FARS2: variants seen among roughly 807,000 people sequenced by gnomAD.
The protein encoded by FARS2 is phenylalanyl-tRNA synthetase 2, mitochondrial.
In FARS2, 40 loss-of-function variants were observed where a neutral mutation model predicts 46.4. That is an observed-to-expected ratio of 0.86 (90% CI 0.67 to 1.12). The LOEUF (loss-of-function observed/expected upper bound fraction) is 1.12. Among genes scored for constraint, FARS2 ranks in the 50% most tolerant of loss-of-function variants. The pLI, the probability that FARS2 is intolerant of heterozygous loss-of-function variation, is 0.00. For synonymous variants in FARS2, 234 were observed against 214.9 expected (o/e 1.09, Z -0.78); for missense variants, 513 against 567.9 (o/e 0.90, Z 0.98).
chr6:5,417,612 T>A (rs1762314998), intron 3 of FARS2, among the ~76,000 whole-genome samples: 4 of 152,230 alleles, frequency 2.6e-5, no homozygotes, highest in African/African-American at 4.8e-5. Flanking sequence ...ACTTTGCTTT[T>A]GTCTTTGTTT....
intron 4 of FARS2, among the ~76,000 whole-genome samples, chr6:5,493,358 A>G (rs952372094): frequency 6.6e-6 from 1 of 152,162 alleles, no homozygotes; most frequent in African/African-American, 2.4e-5. Context: ...GAAGGTAGGG[A>G]TCACATGTCT....
At chr6:5,424,843 C>T (rs773210868) in intron 3 of FARS2, among the ~76,000 whole-genome samples, 1 of 152,168 alleles carries the variant, frequency 6.6e-6, no homozygotes, top group Non-Finnish European at 1.5e-5. Flanking sequence ...AAAATGGGCT[C>T]TATCAAAAGG....
At chr6:5,523,989 A>G (rs1345062693) in intron 4 of FARS2, among the ~76,000 whole-genome samples, 1 of 151,026 alleles carries the variant, frequency 6.6e-6, no homozygotes, top group Non-Finnish European at 1.5e-5. Flanking sequence ...CAAGAACATG[A>G]TGAATTCTTA....
intron 3 of FARS2, among the ~76,000 whole-genome samples, chr6:5,426,899 T>A: frequency 6.6e-6 from 1 of 152,234 alleles, no homozygotes; most frequent in East Asian, 1.9e-4. Context: ...GTACTGGGAT[T>A]ACAGGCATGA....
At chr6:5,576,070 T>G (rs2150569439) in intron 5 of FARS2, among the ~76,000 whole-genome samples, 1 of 152,318 alleles carries the variant, frequency 6.6e-6, no homozygotes, top group South Asian at 2.1e-4. Flanking sequence ...TATGGAGTGG[T>G]ACTTTAAAAC....
the FARS2 span, among the ~76,000 whole-genome samples, chr6:5,254,984 T>C: frequency 1.3e-5 from 2 of 152,168 alleles, no homozygotes; most frequent in African/African-American, 4.8e-5. Flanking sequence ...CCATAACCAC[T>C]TGACTAACAA....
intron 3 of FARS2, among the ~76,000 whole-genome samples, chr6:5,405,683 A>G (rs1002105494): frequency 2.1e-4 from 32 of 151,886 alleles, no homozygotes; most frequent in South Asian, 1.0e-3. Flanking sequence ...TAGTAGAGAC[A>G]GGGTTTCACC....
chr6:5,593,624 A>G (rs1246588758), intron 5 of FARS2, among the ~76,000 whole-genome samples: 1 of 152,224 alleles, frequency 6.6e-6, no homozygotes, highest in African/African-American at 2.4e-5. Context: ...GGCTGTCTCC[A>G]TATTACCTGT....
chr6:5,434,659 T>C (rs1036237301), intron 4 of FARS2, among the ~76,000 whole-genome samples: 5 of 152,178 alleles, frequency 3.3e-5, no homozygotes, highest in African/African-American at 9.7e-5. Context: ...TGAGTTCTTA[T>C]GGCGTGGAGA....
chr6:5,388,780 A>G (rs1294099578), intron 2 of FARS2, among the ~76,000 whole-genome samples: 1 of 151,856 alleles, frequency 6.6e-6, no homozygotes, highest in African/African-American at 2.4e-5. Flanking sequence ...AAAAATATTT[A>G]ATGGATCTGT....
intron 4 of FARS2, among the ~76,000 whole-genome samples, chr6:5,541,255 G>A (rs367623973): frequency 3.3e-5 from 5 of 152,148 alleles, no homozygotes; most frequent in African/African-American, 9.7e-5. Flanking sequence ...GAGAGTAACC[G>A]TTGAGAAACT....
intron 1 of FARS2, among the ~76,000 whole-genome samples, chr6:5,334,912 A>G (rs1023783070): frequency 6.6e-5 from 10 of 152,228 alleles, no homozygotes; most frequent in African/African-American, 2.4e-4. Flanking sequence ...ATCTTGGGGC[A>G]GTGTAGAACA....
chr6:5,667,190 C>T (rs1297091566), intron 6 of FARS2, among the ~76,000 whole-genome samples: 2 of 151,912 alleles, frequency 1.3e-5, no homozygotes, highest in Admixed American at 1.3e-4. Flanking sequence ...GCATATGTAC[C>T]CCTGAACTTA....
intron 1 of FARS2, among the ~76,000 whole-genome samples, chr6:5,308,176 G>A (rs1768851809): frequency 6.6e-6 from 1 of 152,154 alleles, no homozygotes; most frequent in Non-Finnish European, 1.5e-5. Flanking sequence ...AGGCAAAAAA[G>A]GGAGTGATGT....
At chr6:5,482,736 G>A (rs7771226) in intron 4 of FARS2, among the ~76,000 whole-genome samples, 61 of 152,302 alleles carry the variant, frequency 4.0e-4, no homozygotes, top group African/African-American at 1.4e-3. Context: ...GTTGACGTGG[G>A]GCTGGGTAGG....
chr6:5,648,632 C>A (rs1384192743), intron 6 of FARS2, among the ~76,000 whole-genome samples: 2 of 151,970 alleles, frequency 1.3e-5, no homozygotes, highest in Non-Finnish European at 2.9e-5. Flanking sequence ...TTCTTTTTTT[C>A]CCCTTTATTC....
chr6:5,297,595 C>T (rs2127526735), intron 1 of FARS2, among the ~76,000 whole-genome samples: 1 of 152,150 alleles, frequency 6.6e-6, no homozygotes, highest in Admixed American at 6.5e-5. Context: ...TTGCAGTGAG[C>T]CAAGATCGTG....
chr6:5,293,839 G>T (rs1767666589), intron 1 of FARS2, among the ~76,000 whole-genome samples: 1 of 152,238 alleles, frequency 6.6e-6, no homozygotes, highest in Admixed American at 6.5e-5. Context: ...AAGGCCAAGA[G>T]CATGATTGAT....
chr6:5,494,075 CT>C (rs1425074361), intron 4 of FARS2, among the ~76,000 whole-genome samples: 3 of 150,734 alleles, frequency 2.0e-5, no homozygotes, highest in African/African-American at 7.3e-5. Context: ...TTCAATACTC[CT>C]TACGTTGTTT....
Sources: allele counts gnomAD v4.1 joint callset (sites outside exome capture counted in the v4.1 genomes callset), GRCh38; gene constraint gnomAD v4.1.1; transcripts MANE v1.5; gene names NCBI Gene and HGNC (gene_info 2026-07-23, HGNC 2026-07-21).